Variants in SYDE2 observed in about 807,000 individuals in gnomAD.
SYDE2 encodes rho GTPase-activating protein SYDE2.
In SYDE2, 76 loss-of-function variants were observed where a neutral mutation model predicts 91.5. That is an observed-to-expected ratio of 0.83 (90% CI 0.69 to 1.01). The LOEUF (loss-of-function observed/expected upper bound fraction) is 1.01, where lower values mean the gene tolerates loss of function less well. SYDE2 is among the 50% of genes least tolerant of loss of function. The probability of loss-of-function intolerance (pLI) is 0.00; values close to 1 mark genes in which losing one functional copy is unlikely to be tolerated. For synonymous variants in SYDE2, 513 were observed against 506.4 expected (o/e 1.01, Z -0.18); for missense variants, 1,364 against 1,367.7 (o/e 1.00, Z 0.04).
At chr1:85,179,968 T>C (rs909789176) in intron 3 of SYDE2, among the ~76,000 whole-genome samples, 1 of 152,220 alleles carries the variant, frequency 6.6e-6, no homozygotes, top group African/African-American at 2.4e-5. Flanking sequence ...AAGGAAGATC[T>C]ACTACAGGTA....
At position 85,158,525 on chromosome 1, in the gene SYDE2, T is replaced by C. The variant is rs1656941182; in HGVS notation, c.*225A>G. The stretch of plus-strand genomic sequence containing the variant: ...ATAGAGTTGGCAAGATTTAGTAAAA[T>C]ATCCCAAGAAGTCCAAGTTTTATTG... On this transcript the variant is annotated 3_prime_UTR_variant, in exon 7 of 7. Coordinates refer to ENST00000341460, the MANE Select transcript of SYDE2 (RefSeq NM_032184.2). 2.3e-6 allele frequency: 1 copy of C among 438,812 alleles called. No individual in the cohort carries two copies. Among genetic ancestry groups the C allele is most frequent in the Non-Finnish European group, 3.9e-6 (1 of 253,578 alleles). 27.2% of individuals were successfully genotyped at this position (438,812 alleles called of 1,614,324 possible).
rs1656909974 is a variant in SYDE2 at position 85,157,551 on chromosome 1, G to A, written c.*1199C>T. 2 of 152,106 alleles carry A rather than the reference G, an allele frequency of 1.3e-5. No individual in the cohort carries two copies. The highest frequency in any genetic ancestry group is 2.9e-5 in the Non-Finnish European group (2 of 67,980). 9.4% of individuals were successfully genotyped at this position (152,106 alleles called of 1,614,324 possible). Reference sequence around the variant, plus strand: ...CAGATTTATTAAATCTAAGTCACCAGTGCAGAAATCTGGGTACTTAATCCC... The same window carrying A: ...CAGATTTATTAAATCTAAGTCACCAATGCAGAAATCTGGGTACTTAATCCC... On this transcript the variant is annotated 3_prime_UTR_variant, in exon 7 of 7. Transcript: ENST00000341460.
At position 85,200,663 on chromosome 1, in the gene SYDE2, C is replaced by G; in HGVS notation, c.334G>C (p.Ala112Pro). 1 of 1,538,510 alleles carries G rather than the reference C, an allele frequency of 6.5e-7. No individual in the cohort carries two copies. The highest frequency in any genetic ancestry group is 8.7e-7 in the Non-Finnish European group (1 of 1,147,590). Residue 112 changes from alanine (A) to proline (P), a missense_variant, in exon 1 of 7, where the codon GCG (alanine) becomes CCG (proline). Coordinates refer to ENST00000341460, the MANE Select transcript of SYDE2 (RefSeq NM_032184.2). ...GGGGGCTCGTCCCAGTCCCGGTGCG[C>G]GCCGCACCTGATCCAGCTGTCGCTC... ...WPSDSWIRCG[A>P]HRDWDEPPPR... is the part of the protein sequence containing the mutation.
chr1:85,164,028 G>A (rs886775384), intron 6 of SYDE2, among the ~76,000 whole-genome samples: 2 of 152,232 alleles, frequency 1.3e-5, no homozygotes, highest in Non-Finnish European at 2.9e-5. Context: ...ACGTAAAGAA[G>A]AATTGATTTA....
chr1:85,188,224 A>G (rs1250058939), intron 2 of SYDE2, among the ~76,000 whole-genome samples: 1 of 152,092 alleles, frequency 6.6e-6, no homozygotes, highest in Non-Finnish European at 1.5e-5. Flanking sequence ...ACTATTCTAT[A>G]TAGTATTTAT....
rs1370049957 is a variant in SYDE2, at chr1:85,164,736, C to T, written c.2875G>A (p.Asp959Asn). ...IEKATLKMLLDHLKLVASYHE... is the reference protein window; with the variant it reads ...IEKATLKMLLNHLKLVASYHE... Reference sequence around the variant, plus strand: ...TAGGAAGCCACCAATTTCAAATGATCCAACAACATCTTTAGGGTTGCCTAA... The same window carrying T: ...TAGGAAGCCACCAATTTCAAATGATTCAACAACATCTTTAGGGTTGCCTAA... The change falls in exon 6 of 7, where the codon GAT becomes AAT. Residue 959 changes from aspartate (D) to asparagine (N), a missense_variant. Physicochemically the swap from Asp to Asn is conservative, Grantham distance 23. Coordinates refer to ENST00000341460, the MANE Select transcript of SYDE2 (RefSeq NM_032184.2). 7.0e-7 allele frequency: 1 copy of T among 1,430,768 alleles called. No individual in the cohort carries two copies. Among genetic ancestry groups the T allele is most frequent in the Non-Finnish European group, 9.2e-7 (1 of 1,090,070 alleles). 88.6% of individuals were successfully genotyped at this position (1,430,768 alleles called of 1,614,324 possible). A position where few individuals can be genotyped will look rare whatever the true frequency, so the allele number is the denominator to read the frequency against.
At chr1:85,152,696 A>G (rs545026588), downstream of SYDE2, 42 of 152,346 alleles carry the variant, frequency 2.8e-4, no homozygotes, top group African/African-American at 9.9e-4. Context: ...TTGTTATACA[A>G]AGTCCCTGCT....
intron 4 of SYDE2, among the ~76,000 whole-genome samples, chr1:85,173,457 T>C (rs758193576): frequency 1.3e-5 from 2 of 152,144 alleles, no homozygotes; most frequent in Non-Finnish European, 1.5e-5. Flanking sequence ...GCCACCAAGT[T>C]TGTGGTACTT....
chr1:85,190,487 G>A lies in SYDE2; in HGVS notation c.1011C>T (p.Tyr337=), dbSNP rs757926133. ...TAGCGTTACATACCACATATGTACA[G>A]TACTCTTTAGATGATTTGAGGAAAG... ...SQSFLKSSKE[Y]CTYVVCNATN... is the part of the protein sequence containing the mutation. The change falls in exon 2 of 7, where the codon TAC becomes TAT. Residue 337 remains tyrosine (Y), a synonymous_variant. Coordinates refer to ENST00000341460, the MANE Select transcript of SYDE2 (RefSeq NM_032184.2). 4.3e-6 allele frequency: 7 copies of A among 1,613,876 alleles called. No individual in the cohort carries two copies. The African/African-American group carries it at 9.3e-5, about 22-fold the overall frequency.
Position 85,182,589 on chromosome 1 carries a change from G to A in SYDE2, c.2053C>T (p.His685Tyr). The A allele has an allele frequency of 1.2e-6, 2 of 1,613,898 alleles. No individual in the cohort carries two copies. The highest frequency in any genetic ancestry group is 8.5e-7 in the Non-Finnish European group (1 of 1,179,864). Residue 685 changes from histidine to tyrosine, a missense_variant, in exon 3 of 7, where the codon CAT (histidine) becomes TAT (tyrosine). Physicochemically the swap from His to Tyr is moderately conservative, Grantham distance 83. Transcript: ENST00000341460. ...SQYISGLMSV[H>Y]FYGAEDLKPP... is the part of the protein sequence containing the mutation. Reference sequence around the variant, plus strand: ...TTTAAATCCTCAGCACCATAGAAATGTACACTCATGAGCCCAGATATGTAC... The same window carrying A: ...TTTAAATCCTCAGCACCATAGAAATATACACTCATGAGCCCAGATATGTAC...
chr1:85,163,551 T>C (rs1657155401), intron 6 of SYDE2, among the ~76,000 whole-genome samples: 1 of 149,422 alleles, frequency 6.7e-6, no homozygotes, highest in Admixed American at 6.7e-5. Flanking sequence ...TTGCCTTAGA[T>C]GCTTTATCTC....
intron 6 of SYDE2, chr1:85,160,613 C>A: frequency 1.0e-6 from 1 of 985,320 alleles, no homozygotes; most frequent in Non-Finnish European, 1.2e-6. Context: ...TATTCATATT[C>A]TTTTTCTTCC....
At chr1:85,170,282 G>A (rs573879454) in intron 4 of SYDE2, among the ~76,000 whole-genome samples, 95 of 151,892 alleles carry the variant, frequency 6.3e-4, no homozygotes, top group Middle Eastern at 6.8e-3. Context: ...CTTATTTTTT[G>A]TAGATCAGTG....
At chr1:85,189,579 T>C (rs567401394) in intron 2 of SYDE2, among the ~76,000 whole-genome samples, 1 of 152,346 alleles carries the variant, frequency 6.6e-6, no homozygotes, top group East Asian at 1.9e-4. Flanking sequence ...CTCACACTTA[T>C]AATCCCAGCA....
chr1:85,195,205 AT>A (rs1658540133), intron 1 of SYDE2, among the ~76,000 whole-genome samples: 1 of 152,014 alleles, frequency 6.6e-6, no homozygotes, highest in Non-Finnish European at 1.5e-5. Context: ...TCTTTTCATC[AT>A]TTTAAAAATT....
At chr1:85,161,192 T>G in intron 6 of SYDE2, 1 of 730,890 alleles carries the variant, frequency 1.4e-6, no homozygotes, top group Non-Finnish European at 1.7e-6. Context: ...CTAAGAAACT[T>G]AATTTTTCCT....
chr1:85,184,554 A>C (rs1168978901), intron 2 of SYDE2, among the ~76,000 whole-genome samples: 1 of 152,134 alleles, frequency 6.6e-6, no homozygotes, highest in African/African-American at 2.4e-5. Context: ...AAACAGCAAA[A>C]ATCAAAAATA....
At chr1:85,193,656 T>G (rs532531964) in intron 1 of SYDE2, among the ~76,000 whole-genome samples, 1 of 152,170 alleles carries the variant, frequency 6.6e-6, no homozygotes, top group Non-Finnish European at 1.5e-5. Context: ...AGGGTCTCAC[T>G]CTTGTCACCC....
intron 4 of SYDE2, 123 bp from the exon 5 acceptor site, chr1:85,169,348 A>G: frequency 1.6e-6 from 1 of 634,260 alleles, no homozygotes; most frequent in Non-Finnish European, 2.6e-6. Flanking sequence ...CAATAAAGGC[A>G]ACAACATAAA....
Sources: gnomAD v4.1 joint callset for allele counts (sites outside exome capture counted in the v4.1 genomes callset) on GRCh38, gnomAD v4.1.1 for gene constraint, MANE v1.5 for transcripts, NCBI Gene and HGNC (gene_info 2026-07-23, HGNC 2026-07-21) for gene names.